Variants in DMXL1 observed in about 807,000 individuals in gnomAD.
The protein encoded by DMXL1 is Dmx like 1.
DMXL1 carries 99 observed loss-of-function variants against 319.2 expected under a neutral mutation model. The observed-to-expected ratio is 0.31, with a 90% CI of 0.26 to 0.37. The LOEUF (loss-of-function observed/expected upper bound fraction) is 0.37. Among genes scored for constraint, DMXL1 ranks in the 10% least tolerant of loss-of-function variants. The probability of loss-of-function intolerance (pLI) is 1.00; values close to 1 mark genes in which losing one functional copy is unlikely to be tolerated. For synonymous variants in DMXL1, 1,385 were observed against 1,235.2 expected, an observed-to-expected ratio of 1.12 and a Z score of -2.54; for missense variants, 3,745 against 3,595.6, an observed-to-expected ratio of 1.04 and a Z score of -1.06.
chr5:119,213,541 C>CT (rs1783161595), intron 34 of DMXL1, among the ~76,000 whole-genome samples: 1 of 152,158 alleles, frequency 6.6e-6, no homozygotes. Flanking sequence ...TACTCCATTT[C>CT]TCTAGTCTCC....
At chr5:119,237,503 C>G (rs937860774) in intron 40 of DMXL1, 89 bp downstream of exon 40, 20 of 780,916 alleles carry the variant, frequency 2.6e-5, no homozygotes, top group Middle Eastern at 3.3e-4. Flanking sequence ...AAATATAGAA[C>G]TAATAAATAA....
At chr5:119,173,790 A>G (rs1172725017) in intron 25 of DMXL1, among the ~76,000 whole-genome samples, 4 of 125,570 alleles carry the variant, frequency 3.2e-5, no homozygotes, top group Non-Finnish European at 6.7e-5. Flanking sequence ...ATATATATAT[A>G]TATATATAAT....
In DMXL1 at chr5:119,206,814, G is replaced by C; in HGVS notation, c.7864-20G>C. ...TCTCATCTTTACTCTTTGTCATGTGGTTATTCTTTCTTGATGAAGTCATTA... is the reference window on the plus strand; with the variant it reads ...TCTCATCTTTACTCTTTGTCATGTGCTTATTCTTTCTTGATGAAGTCATTA... On this transcript the variant is annotated intron_variant, in intron 33 of 43. Transcript: ENST00000539542. The C allele has an allele frequency of 1.4e-6, 2 of 1,475,186 alleles. No individual in the cohort carries two copies. The highest frequency in any genetic ancestry group is 1.8e-6 in the Non-Finnish European group (2 of 1,100,638). 91.4% of individuals were successfully genotyped at this position (1,475,186 alleles called of 1,614,324 possible).
In DMXL1 at chr5:119,246,991, T is replaced by C; in HGVS notation, c.8923-4T>C. ...ATTTTCCGTTTGTTCTTAATATCTT[T>C]CAGATTTGGAGTCTCTCTACCTTTG... On this transcript the variant is annotated splice_region_variant and splice_polypyrimidine_tract_variant and intron_variant, in intron 43 of 43. Coordinates refer to ENST00000539542, the MANE Select transcript of DMXL1 (RefSeq NM_001290321.3). 6.3e-7 allele frequency: 1 copy of C among 1,590,422 alleles called. No homozygotes were observed. The highest frequency in any genetic ancestry group is 8.6e-7 in the Non-Finnish European group (1 of 1,166,440).
intron 6 of DMXL1, among the ~76,000 whole-genome samples, chr5:119,114,854 G>C (rs1335852167): frequency 2.6e-5 from 4 of 152,110 alleles, no homozygotes; most frequent in African/African-American, 9.7e-5. Context: ...TTTTTTAATA[G>C]AGACGGGATT....
Position 119,203,377 on chromosome 5 carries a change from G to A in DMXL1, c.7804G>A (p.Glu2602Lys). Reference protein sequence around the residue: ...KRLWQYLVKQEEIQETFIKNI... With the variant: ...KRLWQYLVKQKEIQETFIKNI... ...GCTTTGGCAGTATTTGGTGAAGCAG[G>A]AAGAAATTCAGGAAACCTTTATCAA... The change falls in exon 33 of 44, where the codon GAA (glutamate) becomes AAA (lysine). Residue 2602 changes from glutamate to lysine, a missense_variant. Around this residue, in one of 4 missense-constraint regions of DMXL1, gnomAD observed 1,382 missense variants for 1,269.5 expected, o/e 1.09. Transcript: ENST00000539542. The A allele has an allele frequency of 6.2e-7, 1 of 1,608,076 alleles. No individual in the cohort carries two copies. The highest frequency in any genetic ancestry group is 1.1e-5 in the South Asian group (1 of 90,246).
chr5:119,122,632 G>A (rs1194677654), intron 9 of DMXL1, among the ~76,000 whole-genome samples: 5 of 150,972 alleles, frequency 3.3e-5, no homozygotes, highest in Non-Finnish European at 7.4e-5. Context: ...CAGACGGGGC[G>A]GCCGGGCAGA....
chr5:119,118,591 AAAAG>A (rs774672679), intron 7 of DMXL1, among the ~76,000 whole-genome samples: 14 of 152,324 alleles, frequency 9.2e-5, no homozygotes, highest in South Asian at 4.1e-4. Context: ...TCTCTTAAAA[AAAAG>A]AAAGAACGTT....
At chr5:119,085,478 A>G (rs1235626447) in intron 1 of DMXL1, among the ~76,000 whole-genome samples, 2 of 152,108 alleles carry the variant, frequency 1.3e-5, no homozygotes, top group Non-Finnish European at 2.9e-5. Context: ...ACAATGGTGT[A>G]TGCTATTCTA....
At chr5:119,184,042 A>T (rs1361165319) in intron 28 of DMXL1, among the ~76,000 whole-genome samples, 1 of 147,352 alleles carries the variant, frequency 6.8e-6, no homozygotes, top group African/African-American at 2.6e-5. Context: ...AGACTCCCTC[A>T]TTCAATGTTT....
intron 25 of DMXL1, among the ~76,000 whole-genome samples, chr5:119,173,413 T>G (rs1291045136): frequency 1.3e-5 from 2 of 151,974 alleles, no homozygotes; most frequent in East Asian, 3.9e-4. Flanking sequence ...TTTATTTTGC[T>G]TATAATTCTG....
intron 10 of DMXL1, among the ~76,000 whole-genome samples, chr5:119,129,806 G>T (rs1764413567): frequency 6.6e-6 from 1 of 152,222 alleles, no homozygotes; most frequent in African/African-American, 2.4e-5. Context: ...GTACATTAAA[G>T]TTTGAGAAGC....
At chr5:119,143,963 A>T (rs1478784932) in intron 14 of DMXL1, 33 bp downstream of exon 14, 1 of 1,385,364 alleles carries the variant, frequency 7.2e-7, no homozygotes, top group Non-Finnish European at 9.9e-7. Flanking sequence ...AGGTATATTA[A>T]AAAAAAGTTT....
chr5:119,132,196 A>G (rs1765055392), intron 10 of DMXL1, among the ~76,000 whole-genome samples: 1 of 152,200 alleles, frequency 6.6e-6, no homozygotes, highest in South Asian at 2.1e-4. Context: ...AAGGCTCTAC[A>G]CTAGAATATG....
At chr5:119,172,526 G>A (rs1179455096) in intron 25 of DMXL1, among the ~76,000 whole-genome samples, 2 of 152,058 alleles carry the variant, frequency 1.3e-5, no homozygotes, top group African/African-American at 4.8e-5. Flanking sequence ...GTATGTCCCA[G>A]GAATGTATAT....
chr5:119,098,554 A>G (rs1756512201), intron 2 of DMXL1, among the ~76,000 whole-genome samples: 1 of 152,148 alleles, frequency 6.6e-6, no homozygotes. Flanking sequence ...GAGAGTTTAT[A>G]ATATTCTAAG....
chr5:119,113,305 G>T (rs1253961572), intron 5 of DMXL1, among the ~76,000 whole-genome samples: 2 of 152,120 alleles, frequency 1.3e-5, no homozygotes, highest in African/African-American at 2.4e-5. Context: ...ATGGTGGCGT[G>T]ATCTTGGCTC....
chr5:119,194,335 G>T (rs1779218428), intron 30 of DMXL1, among the ~76,000 whole-genome samples: 1 of 152,058 alleles, frequency 6.6e-6, no homozygotes, highest in African/African-American at 2.4e-5. Flanking sequence ...TACTGTTTTT[G>T]TCTGGAAAAT....
intron 28 of DMXL1, among the ~76,000 whole-genome samples, chr5:119,185,625 C>T (rs1421186261): frequency 6.6e-6 from 1 of 152,076 alleles, no homozygotes; most frequent in Non-Finnish European, 1.5e-5. Context: ...ACCTCAGCTT[C>T]CCAAGCAGCT....
Sources: gnomAD v4.1 joint callset for allele counts (sites outside exome capture counted in the v4.1 genomes callset) on GRCh38, gnomAD v4.1.1 for gene constraint, gnomAD v4.1.1 regional missense constraint, MANE v1.5 for transcripts, NCBI Gene and HGNC (gene_info 2026-07-23, HGNC 2026-07-21) for gene names.